Variants in PLXNA4 observed in about 807,000 individuals in gnomAD.
PLXNA4 encodes plexin A4.
Under a neutral mutation model 191.8 loss-of-function variants are expected in PLXNA4, and 44 were observed. The ratio of observed to expected loss-of-function variants is 0.23; its 90% confidence interval spans 0.18 to 0.29. The LOEUF is 0.29. PLXNA4 is among the 10% of genes least tolerant of loss of function. The pLI is 1.00. For synonymous variants in PLXNA4, 1,082 were observed against 1,009.5 expected (o/e 1.07, Z -1.36); for missense variants, 1,800 against 2,488.8 (o/e 0.72, Z 5.89).
At chr7:132,568,376 G>A (rs990975031) in intron 1 of PLXNA4, among the ~76,000 whole-genome samples, 6 of 152,104 alleles carry the variant, frequency 3.9e-5, no homozygotes, top group African/African-American at 1.4e-4. Context: ...TTCTATTTGG[G>A]GTTTAAATGG....
At position 132,164,244 on chromosome 7, in the gene PLXNA4, C is replaced by T; in HGVS notation, c.4398G>A (p.Lys1466=). The T allele has an allele frequency of 3.7e-6, 6 of 1,614,218 alleles. No individual in the cohort carries two copies. The highest frequency in any genetic ancestry group is 5.1e-6 in the Non-Finnish European group (6 of 1,180,030). The change falls in exon 24 of 32, where the codon AAG becomes AAA. Residue 1466 remains lysine (K), a synonymous_variant. Transcript: ENST00000321063. ...CAATGGGGCCCTTCTCCATCTGCTG[C>T]TTGATGGCACAGAACAGGGAGAAGA... is the stretch of plus-strand genomic sequence containing the variant. ...EPLFSLFCAI[K]QQMEKGPIDA...
chr7:132,236,369 C>A (rs1032968172), intron 5 of PLXNA4, among the ~76,000 whole-genome samples: 1 of 152,196 alleles, frequency 6.6e-6, no homozygotes, highest in Admixed American at 6.5e-5. Flanking sequence ...ACCTCACTCC[C>A]TCCAACCATG....
intron 4 of PLXNA4, among the ~76,000 whole-genome samples, chr7:132,282,378 G>A (rs892539440): frequency 2.0e-5 from 3 of 151,852 alleles, no homozygotes; most frequent in Non-Finnish European, 4.4e-5. Context: ...TTTGAGACCA[G>A]CCTGGGCAAC....
intron 3 of PLXNA4, among the ~76,000 whole-genome samples, chr7:132,410,570 A>G (rs1484821263): frequency 6.6e-6 from 1 of 152,206 alleles, no homozygotes; most frequent in Non-Finnish European, 1.5e-5. Flanking sequence ...AGACACATTT[A>G]TGAGCTGACA....
chr7:132,626,317 C>A (rs779202884), intron 2 of PLXNA4, among the ~76,000 whole-genome samples: 15 of 152,246 alleles, frequency 9.9e-5, no homozygotes, highest in Non-Finnish European at 1.9e-4. Context: ...GCCTGAAGGA[C>A]TTTTGCCTCA....
intron 2 of PLXNA4, among the ~76,000 whole-genome samples, chr7:132,591,461 G>A (rs540530547): frequency 2.6e-5 from 4 of 152,308 alleles, no homozygotes; most frequent in South Asian, 4.1e-4. Flanking sequence ...CAAGGATGCA[G>A]TACAAAAGTA....
At chr7:132,284,429 G>A (rs1210572151) in intron 4 of PLXNA4, among the ~76,000 whole-genome samples, 2 of 152,216 alleles carry the variant, frequency 1.3e-5, no homozygotes, top group African/African-American at 4.8e-5. Flanking sequence ...TTTAATGAGA[G>A]TGAACATTTA....
At chr7:132,442,997 C>T (rs1795751741) in intron 3 of PLXNA4, among the ~76,000 whole-genome samples, 1 of 152,194 alleles carries the variant, frequency 6.6e-6, no homozygotes, top group Non-Finnish European at 1.5e-5. Flanking sequence ...GCCCGTGCTG[C>T]ACCAGCTTCC....
At chr7:132,155,911 G>A (rs1795777877) in intron 25 of PLXNA4, among the ~76,000 whole-genome samples, 1 of 151,980 alleles carries the variant, frequency 6.6e-6, no homozygotes, top group South Asian at 2.1e-4. Context: ...AATGTAGGTG[G>A]GCCCCATCCA....
At chr7:132,509,708 T>C (rs974301452) in intron 1 of PLXNA4, among the ~76,000 whole-genome samples, 1 of 152,186 alleles carries the variant, frequency 6.6e-6, no homozygotes, top group Non-Finnish European at 1.5e-5. Flanking sequence ...GGTTGATCCC[T>C]TCTCGGGGCT....
chr7:132,154,509 G>A (rs1245070532), intron 25 of PLXNA4, among the ~76,000 whole-genome samples: 1 of 152,002 alleles, frequency 6.6e-6, no homozygotes, highest in African/African-American at 2.4e-5. Context: ...TGCACTGAAG[G>A]TACTAGATCT....
chr7:132,384,366 T>C (rs932230992), intron 3 of PLXNA4: 6 of 985,520 alleles, frequency 6.1e-6, no homozygotes, highest in Non-Finnish European at 7.2e-6. Context: ...GTAGAAATGA[T>C]AGGAGCACAT....
intron 4 of PLXNA4, among the ~76,000 whole-genome samples, chr7:132,286,272 C>T (rs536522576): frequency 1.3e-5 from 2 of 152,284 alleles, no homozygotes; most frequent in Admixed American, 1.3e-4. Context: ...ACTAAACAGA[C>T]ATGGTGGGAC....
In PLXNA4 at chr7:132,433,770, G is replaced by T. The variant is rs560237519; in HGVS notation, c.1371+55522C>A. Among the ~76,000 whole-genome samples, 4 of 152,264 alleles carry T rather than the reference G, an allele frequency of 2.6e-5. No individual in the cohort carries two copies. The East Asian group carries it at 7.7e-4, about 29-fold the overall frequency. The stretch of plus-strand genomic sequence containing the variant: ...CAAGGAGATAAAAGGACTCAGGTCA[G>T]CCCTGACTTCCTAACCTCATCTGGC... On this transcript the variant is annotated intron_variant, in intron 3 of 31. Coordinates refer to ENST00000321063, the MANE Select transcript of PLXNA4 (RefSeq NM_020911.2).
chr7:132,439,861 C>T (rs1001599812), intron 3 of PLXNA4, among the ~76,000 whole-genome samples: 1 of 152,180 alleles, frequency 6.6e-6, no homozygotes, highest in Non-Finnish European at 1.5e-5. Flanking sequence ...GCACCTGGTT[C>T]CTGACCTCAA....
Position 132,188,998 on chromosome 7 carries a change from G to GGAAAGGAAAGGAAAGGAAAGGAAAGGA in PLXNA4, c.2857-1392_2857-1391insTCCTTTCCTTTCCTTTCCTTTCCTTTC, listed in dbSNP as rs1562908835. Among the ~76,000 whole-genome samples, 5 of 50,984 alleles carry GGAAAGGAAAGGAAAGGAAAGGAAAGGA rather than the reference G, an allele frequency of 9.8e-5. 1 individual carries two copies. The highest frequency in any genetic ancestry group is 2.0e-4 in the Non-Finnish European group (5 of 25,228). 33.4% of individuals were successfully genotyped at this position (50,984 alleles called of 152,430 possible). On this transcript the variant is annotated intron_variant, in intron 14 of 31. Transcript: ENST00000321063. ...GGAAAGGAAAGGAAAGGAAAGGAGA[G>GGAAAGGAAAGGAAAGGAAAGGAAAGGA]AGAGAGAGAGAGAGAGAGAGAGAGA...
At chr7:132,461,340 T>C (rs1002855845) in intron 3 of PLXNA4, among the ~76,000 whole-genome samples, 1 of 152,000 alleles carries the variant, frequency 6.6e-6, no homozygotes, top group African/African-American at 2.4e-5. Flanking sequence ...GGAAGTATAA[T>C]GCAAAAAAGA....
intron 3 of PLXNA4, among the ~76,000 whole-genome samples, chr7:132,468,622 T>C (rs889738538): frequency 6.6e-6 from 1 of 152,034 alleles, no homozygotes; most frequent in Non-Finnish European, 1.5e-5. Flanking sequence ...TAGAATGAGA[T>C]GAGGAGAAAG....
intron 2 of PLXNA4, among the ~76,000 whole-genome samples, chr7:132,613,286 C>T (rs1195387334): frequency 6.6e-6 from 1 of 152,142 alleles, no homozygotes; most frequent in Non-Finnish European, 1.5e-5. Context: ...ATAGCTGCCT[C>T]CTCACGCCAC....
Sources: allele counts gnomAD v4.1 joint callset (sites outside exome capture counted in the v4.1 genomes callset), GRCh38; gene constraint gnomAD v4.1.1; transcripts MANE v1.5; gene names NCBI Gene and HGNC (gene_info 2026-07-23, HGNC 2026-07-21).